Variants in PLPPR1 observed in about 807,000 individuals in gnomAD.
The protein encoded by PLPPR1 is phospholipid phosphatase-related protein type 1.
PLPPR1 carries 10 observed loss-of-function variants against 33.1 expected under a neutral mutation model. The ratio of observed to expected loss-of-function variants is 0.30; its 90% confidence interval spans 0.19 to 0.51. The LOEUF is 0.51. Among genes scored for constraint, PLPPR1 ranks in the 20% least tolerant of loss-of-function variants. The pLI is 0.97. For missense variants in PLPPR1, 304 were observed against 408.1 expected, an observed-to-expected ratio of 0.74 and a Z score of 2.20; for synonymous variants, 151 against 151.0, an observed-to-expected ratio of 1.00 and a Z score of 0.00.
chr9:101,196,844 G>A (rs2915421), intron 2 of PLPPR1, among the ~76,000 whole-genome samples: 133,457 of 151,506 alleles, frequency 0.88, 58,858 homozygotes, highest in East Asian at 0.95. Context: ...CAGCCTGGGC[G>A]ACAGAGCAAG....
intron 1 of PLPPR1, among the ~76,000 whole-genome samples, chr9:101,046,492 T>G (rs906857281): frequency 6.8e-6 from 1 of 147,872 alleles, no homozygotes; most frequent in African/African-American, 2.5e-5. Context: ...CAGGCTTGAG[T>G]GCAGTGGCAC....
chr9:101,040,981 A>G (rs1449563792), intron 1 of PLPPR1, among the ~76,000 whole-genome samples: 1 of 152,204 alleles, frequency 6.6e-6, no homozygotes, highest in African/African-American at 2.4e-5. Flanking sequence ...TAGGTCTGAA[A>G]CGCAGGAGAG....
At chr9:101,175,001 C>T (rs912020909) in intron 1 of PLPPR1, among the ~76,000 whole-genome samples, 2 of 152,160 alleles carry the variant, frequency 1.3e-5, no homozygotes, top group Non-Finnish European at 2.9e-5. Context: ...AGTACATAAA[C>T]AAATTTTGGT....
chr9:101,131,289 T>C (rs750581182), intron 1 of PLPPR1, among the ~76,000 whole-genome samples: 6 of 152,186 alleles, frequency 3.9e-5, no homozygotes, highest in Non-Finnish European at 7.3e-5. Flanking sequence ...TCATTAATAT[T>C]TCTTTTAAGG....
chr9:101,296,806 G>C (rs1434269258), intron 4 of PLPPR1, among the ~76,000 whole-genome samples: 1 of 151,248 alleles, frequency 6.6e-6, no homozygotes, highest in Admixed American at 6.6e-5. Flanking sequence ...TGGGGTGGGT[G>C]GAGCGGGGAG....
intron 2 of PLPPR1, among the ~76,000 whole-genome samples, chr9:101,237,846 G>GTGTGTGTGTATA (rs1827342619): frequency 1.1e-5 from 1 of 93,508 alleles, no homozygotes; most frequent in Admixed American, 1.1e-4. Flanking sequence ...TGCTATATAT[G>GTGTGTGTGTATA]TGTGTGTGTA....
At chr9:101,079,658 C>T (rs2118507760) in intron 1 of PLPPR1, among the ~76,000 whole-genome samples, 1 of 151,920 alleles carries the variant, frequency 6.6e-6, no homozygotes, top group East Asian at 1.9e-4. Flanking sequence ...TGGCTCACTG[C>T]AACCTCTGTC....
chr9:101,207,631 C>T (rs1322773216), intron 2 of PLPPR1, among the ~76,000 whole-genome samples: 4 of 152,050 alleles, frequency 2.6e-5, no homozygotes, highest in Non-Finnish European at 4.4e-5. Flanking sequence ...CTGGGCCACC[C>T]CCATTCACCG....
intron 1 of PLPPR1, among the ~76,000 whole-genome samples, chr9:101,145,669 T>C (rs480533): frequency 0.67 from 101,406 of 151,514 alleles, 34,673 homozygotes; most frequent in Non-Finnish European, 0.75. Flanking sequence ...ATGCAAGCCA[T>C]CATGACTGGC....
intron 3 of PLPPR1, among the ~76,000 whole-genome samples, chr9:101,284,031 A>G (rs949327123): frequency 3.3e-5 from 5 of 152,130 alleles, no homozygotes; most frequent in Admixed American, 2.6e-4. Flanking sequence ...GCTGGTAGAA[A>G]TGTAAGTTAG....
intron 1 of PLPPR1, among the ~76,000 whole-genome samples, chr9:101,147,552 G>T (rs976877025): frequency 6.6e-6 from 1 of 152,078 alleles, no homozygotes; most frequent in African/African-American, 2.4e-5. Context: ...AAGAGACCCA[G>T]GAAATGGACA....
chr9:101,260,434 G>A (rs1429162802), intron 2 of PLPPR1, among the ~76,000 whole-genome samples: 4 of 152,248 alleles, frequency 2.6e-5, no homozygotes, highest in Non-Finnish European at 2.9e-5. Context: ...CCTGAAGGTG[G>A]CAGTGGCAGT....
At chr9:101,210,965 C>T (rs1826679772) in intron 2 of PLPPR1, among the ~76,000 whole-genome samples, 1 of 152,094 alleles carries the variant, frequency 6.6e-6, no homozygotes, top group African/African-American at 2.4e-5. Flanking sequence ...AACGGGGTTT[C>T]ACCATGTTAG....
intron 1 of PLPPR1, among the ~76,000 whole-genome samples, chr9:101,153,771 G>C (rs1410417482): frequency 1.3e-5 from 2 of 150,546 alleles, no homozygotes; most frequent in South Asian, 2.1e-4. Flanking sequence ...TTTTAGTAGA[G>C]ACGGGGTTTC....
At chr9:101,060,899 T>C (rs1830339409) in intron 1 of PLPPR1, among the ~76,000 whole-genome samples, 1 of 151,844 alleles carries the variant, frequency 6.6e-6, no homozygotes, top group African/African-American at 2.4e-5. Context: ...CACTCCCTCC[T>C]TTTTTTAACA....
chr9:101,251,643 C>T (rs894655815), intron 2 of PLPPR1, among the ~76,000 whole-genome samples: 6 of 152,046 alleles, frequency 3.9e-5, no homozygotes, highest in African/African-American at 1.4e-4. Context: ...GTTACTTCTC[C>T]ATCTTCATCC....
At chr9:101,243,384 A>G (rs1475037975) in intron 2 of PLPPR1, among the ~76,000 whole-genome samples, 1 of 152,054 alleles carries the variant, frequency 6.6e-6, no homozygotes, top group East Asian at 1.9e-4. Context: ...TTGTGCTGGA[A>G]AGAAGTGATG....
intron 2 of PLPPR1, among the ~76,000 whole-genome samples, chr9:101,215,372 C>G (rs563720317): frequency 6.6e-6 from 1 of 152,184 alleles, no homozygotes; most frequent in East Asian, 1.9e-4. Context: ...CTCCGCCTCC[C>G]GGGTTCAAGG....
intron 1 of PLPPR1, among the ~76,000 whole-genome samples, chr9:101,169,949 C>A (rs1564164563): frequency 1.3e-5 from 2 of 151,364 alleles, no homozygotes; most frequent in Admixed American, 6.6e-5. Context: ...TAGATTAAGA[C>A]TATATTGTTG....
Sources: allele counts gnomAD v4.1 joint callset (sites outside exome capture counted in the v4.1 genomes callset), GRCh38; gene constraint gnomAD v4.1.1; transcripts MANE v1.5; gene names NCBI Gene and HGNC (gene_info 2026-07-23, HGNC 2026-07-21).